The following FAAH2 variants were observed in gnomAD, a reference collection of about 807,000 sequenced individuals.
The protein encoded by FAAH2 is fatty-acid amide hydrolase 2.
In FAAH2, 60 loss-of-function variants were observed where a neutral mutation model predicts 36.9. That is an observed-to-expected ratio of 1.63 (90% CI 1.32 to 2.02). The LOEUF is 2.02. Ranked by LOEUF, FAAH2 falls within the 30% of genes most tolerant of loss-of-function variation. The probability of loss-of-function intolerance (pLI) is 0.00; values close to 1 mark genes in which losing one functional copy is unlikely to be tolerated. For synonymous variants in FAAH2, 214 were observed against 143.8 expected (o/e 1.49, Z -3.49); for missense variants, 689 against 397.5 (o/e 1.73, Z -6.23).
the FAAH2 span, among the ~76,000 whole-genome samples, chrX:57,276,246 G>C: frequency 5.4e-5 from 6 of 111,948 alleles, no homozygotes; most frequent in Non-Finnish European, 1.1e-4. Context: ...GTGCCATCAA[G>C]TTAGAATTCG....
At chrX:57,381,673 A>G (rs1452715101) in intron 7 of FAAH2, 2 of 158,438 alleles carry the variant, frequency 1.3e-5, no homozygotes, top group Non-Finnish European at 2.1e-5. Context: ...CCAGATTCAT[A>G]AAGCAAGTCC....
the FAAH2 span, among the ~76,000 whole-genome samples, chrX:57,191,386 T>C: frequency 8.9e-6 from 1 of 111,953 alleles, no homozygotes; most frequent in East Asian, 2.8e-4. Context: ...ATTGTGATTA[T>C]TAATCCCTTG....
the FAAH2 span, among the ~76,000 whole-genome samples, chrX:57,171,668 G>T: frequency 1.8e-5 from 2 of 111,589 alleles, no homozygotes; most frequent in East Asian, 5.6e-4. Flanking sequence ...TTAGTCTTCT[G>T]TCAGATGAAT....
At chrX:57,215,906 CATATATATATATATATAT>C in the FAAH2 span, among the ~76,000 whole-genome samples, 1 of 89,533 alleles carries the variant, frequency 1.1e-5, no homozygotes, top group Non-Finnish European at 2.2e-5. Flanking sequence ...CCATGGCACT[CATATATATATATATATAT>C]ATATATATAT....
chrX:57,361,525 A>G (rs769599841), intron 5 of FAAH2, among the ~76,000 whole-genome samples: 96 of 111,184 alleles, frequency 8.6e-4, no homozygotes, highest in African/African-American at 2.7e-3. Context: ...ATTTTTTCCT[A>G]AATTTCTTTA....
chrX:57,407,490 C>T (rs765117635), intron 7 of FAAH2, among the ~76,000 whole-genome samples: 11 of 112,169 alleles, frequency 9.8e-5, no homozygotes, highest in African/African-American at 2.9e-4. Context: ...CCTACCTAAC[C>T]TGTCCATGGA....
intron 10 of FAAH2, among the ~76,000 whole-genome samples, chrX:57,475,575 A>G (rs1276166848): frequency 9.0e-6 from 1 of 111,645 alleles, no homozygotes; most frequent in Non-Finnish European, 1.9e-5. Flanking sequence ...TACCAGTGCC[A>G]TGCTGTTTTG....
chrX:57,272,337 ATAT>A, the FAAH2 span, among the ~76,000 whole-genome samples: 1 of 111,576 alleles, frequency 9.0e-6, no homozygotes, highest in African/African-American at 3.3e-5. Context: ...ACTCTTCAGG[ATAT>A]TATCCAGGAG....
intron 7 of FAAH2, among the ~76,000 whole-genome samples, chrX:57,405,241 G>A (rs750445633): frequency 2.7e-5 from 3 of 111,401 alleles, no homozygotes; most frequent in Non-Finnish European, 5.7e-5. Flanking sequence ...CAAGATGGTG[G>A]CGGGCCACTT....
intron 10 of FAAH2, among the ~76,000 whole-genome samples, chrX:57,469,118 C>A (rs1385381412): frequency 3.6e-5 from 4 of 112,046 alleles, no homozygotes; most frequent in East Asian, 5.6e-4. Flanking sequence ...TGGAAAGGAA[C>A]AACTGGTAAC....
chrX:57,414,734 A>G, intron 7 of FAAH2, among the ~76,000 whole-genome samples: 1 of 111,222 alleles, frequency 9.0e-6, no homozygotes, highest in Middle Eastern at 4.6e-3. Context: ...GACTCATAAA[A>G]TGAGTTAGGG....
the FAAH2 span, among the ~76,000 whole-genome samples, chrX:57,199,978 T>G: frequency 8.9e-6 from 1 of 111,937 alleles, no homozygotes; most frequent in East Asian, 2.8e-4. Flanking sequence ...TCTGTGTGTC[T>G]TTATAAGTGA....
intron 5 of FAAH2, among the ~76,000 whole-genome samples, chrX:57,360,511 A>C (rs2054262145): frequency 9.1e-6 from 1 of 110,152 alleles, no homozygotes. Context: ...CAGCCTCAGA[A>C]CTTAGTTTTT....
the FAAH2 span, among the ~76,000 whole-genome samples, chrX:57,222,641 C>A: frequency 9.0e-6 from 1 of 111,318 alleles, no homozygotes; most frequent in Admixed American, 9.5e-5. Context: ...CATCTCTGCC[C>A]CATGGCTCCT....
chrX:57,488,056 G>C (rs2057506771), intron 10 of FAAH2, among the ~76,000 whole-genome samples: 1 of 111,714 alleles, frequency 9.0e-6, no homozygotes, highest in South Asian at 3.7e-4. Context: ...TCTAGAAAGT[G>C]TTCAGAATAG....
chrX:57,386,434 C>A (rs1396613736), intron 7 of FAAH2, among the ~76,000 whole-genome samples: 1 of 111,505 alleles, frequency 9.0e-6, no homozygotes, highest in Non-Finnish European at 1.9e-5. Context: ...AGTGGCAAAG[C>A]AAATTGGTAC....
At chrX:57,402,403 G>T (rs1259810764) in intron 7 of FAAH2, among the ~76,000 whole-genome samples, 1 of 111,931 alleles carries the variant, frequency 8.9e-6, no homozygotes, top group Non-Finnish European at 1.9e-5. Flanking sequence ...TGAGTGCCAT[G>T]ACTAAAGTGG....
At chrX:57,249,071 T>G in the FAAH2 span, among the ~76,000 whole-genome samples, 2 of 111,251 alleles carry the variant, frequency 1.8e-5, no homozygotes, top group Non-Finnish European at 3.8e-5. Context: ...GTTATATATG[T>G]CATTTTACAA....
the FAAH2 span, among the ~76,000 whole-genome samples, chrX:57,215,745 C>T: frequency 6.0e-3 from 655 of 109,267 alleles, 2 homozygotes; most frequent in Non-Finnish European, 9.9e-3. Flanking sequence ...TGTTCTCATT[C>T]GTAAGTGGGA....
Sources: gnomAD v4.1 joint callset for allele counts (sites outside exome capture counted in the v4.1 genomes callset) on GRCh38, gnomAD v4.1.1 for gene constraint, MANE v1.5 for transcripts, NCBI Gene and HGNC (gene_info 2026-07-23, HGNC 2026-07-21) for gene names.